WIF1: variants seen among roughly 807,000 people sequenced by gnomAD.
WIF1 encodes Wnt inhibitory factor 1.
In WIF1, 35 loss-of-function variants were observed where a neutral mutation model predicts 53.5. The observed-to-expected ratio is 0.65, with a 90% CI of 0.50 to 0.87. The LOEUF (loss-of-function observed/expected upper bound fraction) is 0.87, where lower values mean the gene tolerates loss of function less well. WIF1 is among the 40% of genes least tolerant of loss of function. The pLI is 0.00. For synonymous variants in WIF1, 171 were observed against 170.4 expected (o/e 1.00, Z -0.03); for missense variants, 467 against 476.8 (o/e 0.98, Z 0.19).
chr12:65,089,540 T>C (rs1344371397), intron 2 of WIF1, among the ~76,000 whole-genome samples: 1 of 152,164 alleles, frequency 6.6e-6, no homozygotes, highest in Non-Finnish European at 1.5e-5. Flanking sequence ...ATGAAGACTT[T>C]GGCTAGCTAC....
chr12:65,067,881 G>T, intron 4 of WIF1, 91 bp from the exon 5 acceptor site: 3 of 1,057,718 alleles, frequency 2.8e-6, no homozygotes. Flanking sequence ...GTTCATTTCT[G>T]TTCTAGCCCA....
intron 2 of WIF1, among the ~76,000 whole-genome samples, chr12:65,093,816 T>C (rs1883161784): frequency 1.3e-5 from 2 of 152,136 alleles, no homozygotes; most frequent in Admixed American, 1.3e-4. Flanking sequence ...TCATACAGAC[T>C]GATTCTGGCC....
chr12:65,085,961 T>C (rs1002102549), intron 2 of WIF1, among the ~76,000 whole-genome samples: 5 of 152,292 alleles, frequency 3.3e-5, no homozygotes, highest in Non-Finnish European at 7.4e-5. Context: ...TGACAAATCA[T>C]TGGCTAGTCA....
chr12:65,120,379 C>T, intron 2 of WIF1, 38 bp downstream of exon 2: 1 of 1,600,612 alleles, frequency 6.2e-7, no homozygotes, highest in Non-Finnish European at 8.5e-7. Flanking sequence ...TGCCATAAGG[C>T]AGTGGAAATA....
chr12:65,073,207 A>G (rs1351561629), intron 3 of WIF1, among the ~76,000 whole-genome samples: 1 of 152,228 alleles, frequency 6.6e-6, no homozygotes, highest in Non-Finnish European at 1.5e-5. Context: ...ATAAATATTC[A>G]TCAGTCCTTT....
chr12:65,073,221 C>G (rs1390511198), intron 3 of WIF1, among the ~76,000 whole-genome samples: 1 of 152,210 alleles, frequency 6.6e-6, no homozygotes, highest in Non-Finnish European at 1.5e-5. Flanking sequence ...GTCCTTTAAG[C>G]TGCCCTGCCA....
chr12:65,083,871 C>G (rs772652095), intron 2 of WIF1: 2 of 374,884 alleles, frequency 5.3e-6, no homozygotes, highest in Admixed American at 3.0e-5. Context: ...ATTTGCACCT[C>G]ACTCTTGCCC....
chr12:65,061,123 A>G (rs1882605243), intron 7 of WIF1, among the ~76,000 whole-genome samples: 1 of 152,202 alleles, frequency 6.6e-6, no homozygotes, highest in African/African-American at 2.4e-5. Flanking sequence ...GTAATTAATA[A>G]GAATAGAAAC....
intron 2 of WIF1, among the ~76,000 whole-genome samples, chr12:65,100,791 T>C (rs1370085448): frequency 6.6e-6 from 1 of 151,778 alleles, no homozygotes; most frequent in Non-Finnish European, 1.5e-5. Flanking sequence ...GAGGCTGAGG[T>C]AAAAGGATCA....
chr12:65,074,145 A>G (rs1365736150), intron 3 of WIF1, among the ~76,000 whole-genome samples: 1 of 151,942 alleles, frequency 6.6e-6, no homozygotes, highest in Non-Finnish European at 1.5e-5. Flanking sequence ...CAATTTCCTA[A>G]GCAGTAGAAT....
At chr12:65,111,950 A>G (rs1024509457) in intron 2 of WIF1, among the ~76,000 whole-genome samples, 10 of 152,224 alleles carry the variant, frequency 6.6e-5, no homozygotes, top group African/African-American at 2.4e-4. Flanking sequence ...TTCTTTCATC[A>G]CATTCATCCA....
chr12:65,092,837 C>T (rs191632552), intron 2 of WIF1, among the ~76,000 whole-genome samples: 473 of 151,968 alleles, frequency 3.1e-3, no homozygotes, highest in Admixed American at 7.2e-3. Context: ...GAGACAGAGC[C>T]CATAATAACA....
chr12:65,112,276 A>G (rs1400067680), intron 2 of WIF1, among the ~76,000 whole-genome samples: 1 of 152,094 alleles, frequency 6.6e-6, no homozygotes, highest in African/African-American at 2.4e-5. Context: ...TTTTCCAATT[A>G]ACATATTATT....
intron 7 of WIF1, among the ~76,000 whole-genome samples, chr12:65,060,883 A>G (rs1882601371): frequency 6.6e-6 from 1 of 152,184 alleles, no homozygotes. Context: ...GGAGCTTTCA[A>G]AGACCCACAT....
intron 2 of WIF1, among the ~76,000 whole-genome samples, chr12:65,115,947 T>C (rs1883502297): frequency 6.6e-6 from 1 of 152,188 alleles, no homozygotes; most frequent in African/African-American, 2.4e-5. Context: ...TGATAAGTAG[T>C]GTAAAAATGA....
chr12:65,099,395 C>A (rs1390276403), intron 2 of WIF1, among the ~76,000 whole-genome samples: 1 of 152,166 alleles, frequency 6.6e-6, no homozygotes, highest in Non-Finnish European at 1.5e-5. Flanking sequence ...TCAAATAAGC[C>A]ACGTGATGCT....
intron 2 of WIF1, among the ~76,000 whole-genome samples, chr12:65,086,472 T>C (rs1883039834): frequency 6.6e-6 from 1 of 152,108 alleles, no homozygotes; most frequent in African/African-American, 2.4e-5. Flanking sequence ...AGTGGTGTGG[T>C]TGACACTGTG....
At chr12:65,078,326 G>T (rs1409519942) in intron 2 of WIF1, among the ~76,000 whole-genome samples, 1 of 152,100 alleles carries the variant, frequency 6.6e-6, no homozygotes, top group Non-Finnish European at 1.5e-5. Flanking sequence ...TCATCTGCCT[G>T]CCTTGGCCTC....
rs10584146 is a variant in WIF1 at position 65,056,366 on chromosome 12, C to CTT, written c.827-242_827-241dup. On this transcript the variant is annotated intron_variant, in intron 7 of 9. Transcript: ENST00000286574. ...GTTGCCAAAATGCTGCATTTATATC[C>CTT]TTTTTTTTTTTTTTTTTTTTTTTTT... 1.2e-4 allele frequency among the ~76,000 whole-genome samples: 3 copies of CTT among 24,264 alleles called. 1 individual carries two copies. The highest frequency in any genetic ancestry group is 4.2e-4 in the African/African-American group (3 of 7,162). The allele number at this position is 24,264 out of a possible 152,430, so 15.9% of individuals were successfully genotyped here.
Sources: allele counts gnomAD v4.1 joint callset (sites outside exome capture counted in the v4.1 genomes callset), GRCh38; gene constraint gnomAD v4.1.1; transcripts MANE v1.5; gene names NCBI Gene and HGNC (gene_info 2026-07-23, HGNC 2026-07-21).